Variants in SYNRG observed in about 807,000 individuals in gnomAD.
SYNRG encodes AP1 gamma subunit binding protein 1.
SYNRG carries 37 observed loss-of-function variants against 130.9 expected under a neutral mutation model. The ratio of observed to expected loss-of-function variants is 0.28; its 90% CI spans 0.22 to 0.37. The LOEUF is 0.37. Among genes scored for constraint, SYNRG ranks in the 10% least tolerant of loss-of-function variants. The pLI is 1.00. For synonymous variants in SYNRG, 539 were observed against 568.1 expected, an observed-to-expected ratio of 0.95 and a Z score of 0.73; for missense variants, 1,338 against 1,588.9, an observed-to-expected ratio of 0.84 and a Z score of 2.68.
intron 14 of SYNRG, among the ~76,000 whole-genome samples, chr17:37,544,926 G>A (rs2058134341): frequency 6.6e-6 from 1 of 152,078 alleles, no homozygotes. Context: ...AGGTTAGCAG[G>A]CTGGGCATGG....
At chr17:37,527,012 A>G (rs890137133) in intron 19 of SYNRG, among the ~76,000 whole-genome samples, 2 of 152,248 alleles carry the variant, frequency 1.3e-5, no homozygotes, top group South Asian at 2.1e-4. Flanking sequence ...GACTGGCAAG[A>G]TGACAAAAAT....
rs536468480 is a variant in SYNRG, at chr17:37,560,928, C to T, written c.1663+267G>A. Among the ~76,000 whole-genome samples, 11 of 152,272 alleles carry T rather than the reference C, an allele frequency of 7.2e-5. No individual in the cohort carries two copies. In the South Asian group the frequency reaches 2.3e-3, roughly 32 times the overall value. ...GATCCACCCTCCTTGGCCTTCCAAA[C>T]TGCTGGGATTACAGGCGTGAGCCAC... is the stretch of plus-strand genomic sequence containing the variant. On this transcript the variant is annotated intron_variant, in intron 13 of 21. Coordinates refer to ENST00000612223, the MANE Select transcript of SYNRG (RefSeq NM_007247.6).
chr17:37,546,948 T>A (rs2058329671), intron 14 of SYNRG, among the ~76,000 whole-genome samples: 1 of 152,214 alleles, frequency 6.6e-6, no homozygotes, highest in African/African-American at 2.4e-5. Context: ...ATCTTTGATC[T>A]ACCTATGAGA....
rs9912433 is a variant in SYNRG at position 37,582,836 on chromosome 17, T to C, written c.589+1812A>G. On this transcript the variant is annotated intron_variant, in intron 6 of 21. Transcript: ENST00000612223. ...TGATCATGTCACCGCACTAGGGCAA[T>C]AGAATGAGACCCTGTCTCAAAAAAA... Among the ~76,000 whole-genome samples, 1,116 of 152,152 alleles carry C rather than the reference T, an allele frequency of 7.3e-3. 11 individuals are homozygous for C. Among genetic ancestry groups the C allele is most frequent in the African/African-American group, 0.025 (1,041 of 41,500 alleles).
chr17:37,533,706 G>A (rs968665939), intron 19 of SYNRG, among the ~76,000 whole-genome samples: 19 of 148,770 alleles, frequency 1.3e-4, no homozygotes, highest in African/African-American at 2.5e-5. Context: ...TCCTGCCACA[G>A]CCTCCCAAGT....
intron 1 of SYNRG, among the ~76,000 whole-genome samples, chr17:37,608,855 T>C (rs890261948): frequency 1.3e-5 from 2 of 152,270 alleles, no homozygotes; most frequent in Non-Finnish European, 2.9e-5. Flanking sequence ...CCTCCAGCTT[T>C]GTGAACAGAT....
chr17:37,602,102 A>C (rs1369699463), intron 1 of SYNRG, among the ~76,000 whole-genome samples: 1 of 152,100 alleles, frequency 6.6e-6, no homozygotes, highest in Non-Finnish European at 1.5e-5. Context: ...TTGGGAGGCC[A>C]AGGTAGGTGG....
At chr17:37,526,893 A>G (rs1167464442) in intron 19 of SYNRG, among the ~76,000 whole-genome samples, 1 of 152,232 alleles carries the variant, frequency 6.6e-6, no homozygotes, top group Non-Finnish European at 1.5e-5. Flanking sequence ...TTCCCAGGAC[A>G]TGGGTAGCTT....
At chr17:37,599,158 G>A (rs149062402) in intron 2 of SYNRG, among the ~76,000 whole-genome samples, 6 of 152,276 alleles carry the variant, frequency 3.9e-5, no homozygotes, top group African/African-American at 9.6e-5. Context: ...ACCAATCAAC[G>A]CTGGCTTTTT....
At chr17:37,586,204 G>A in intron 4 of SYNRG, among the ~76,000 whole-genome samples, 1 of 152,246 alleles carries the variant, frequency 6.6e-6, no homozygotes, top group East Asian at 1.9e-4. Context: ...ATGTTGCTCA[G>A]GCTGGTCTCG....
At chr17:37,562,832 A>T (rs2059641640) in intron 11 of SYNRG, among the ~76,000 whole-genome samples, 1 of 152,274 alleles carries the variant, frequency 6.6e-6, no homozygotes, top group African/African-American at 2.4e-5. Context: ...AAAGGAAATT[A>T]ACATCTTAGG....
chr17:37,602,725 G>T (rs765414519), intron 1 of SYNRG, among the ~76,000 whole-genome samples: 1 of 151,942 alleles, frequency 6.6e-6, no homozygotes, highest in African/African-American at 2.4e-5. Flanking sequence ...GGATTAACAC[G>T]CGAAGGAGCA....
intron 11 of SYNRG, among the ~76,000 whole-genome samples, chr17:37,563,782 C>T (rs1194625908): frequency 6.6e-6 from 1 of 151,620 alleles, no homozygotes; most frequent in African/African-American, 2.4e-5. Context: ...GTGATCTGTC[C>T]GCCTTGGCCT....
chr17:37,562,648 C>A (rs1215949685), intron 11 of SYNRG, among the ~76,000 whole-genome samples: 1 of 152,198 alleles, frequency 6.6e-6, no homozygotes, highest in Non-Finnish European at 1.5e-5. Flanking sequence ...GGTACACAGT[C>A]CTTTAGGGCT....
chr17:37,585,722 A>G (rs1333363018), intron 4 of SYNRG, among the ~76,000 whole-genome samples: 1 of 152,240 alleles, frequency 6.6e-6, no homozygotes, highest in Non-Finnish European at 1.5e-5. Context: ...CTCGAAAAAC[A>G]GGCAGACAAA....
intron 14 of SYNRG, among the ~76,000 whole-genome samples, chr17:37,549,293 T>C (rs1290434030): frequency 6.6e-6 from 1 of 152,222 alleles, no homozygotes; most frequent in African/African-American, 2.4e-5. Context: ...TTGGGGTTTC[T>C]AACCTGAAAA....
chr17:37,543,933 A>G (rs1344580099), intron 14 of SYNRG, among the ~76,000 whole-genome samples: 2 of 152,264 alleles, frequency 1.3e-5, no homozygotes, highest in Non-Finnish European at 2.9e-5. Context: ...ACAACCACAT[A>G]TGTGATTTAC....
chr17:37,603,737 G>A (rs2063498072), intron 1 of SYNRG, among the ~76,000 whole-genome samples: 1 of 152,218 alleles, frequency 6.6e-6, no homozygotes, highest in Admixed American at 6.5e-5. Context: ...CTGTCACCCA[G>A]GCTTTGTGGT....
intron 19 of SYNRG, among the ~76,000 whole-genome samples, chr17:37,526,968 C>T (rs997190128): frequency 9.2e-5 from 14 of 152,288 alleles, no homozygotes; most frequent in South Asian, 6.2e-4. Flanking sequence ...CATGCAGAGA[C>T]ATAGTAAAGA....
Sources: gnomAD v4.1 joint callset for allele counts (sites outside exome capture counted in the v4.1 genomes callset) on GRCh38, gnomAD v4.1.1 for gene constraint, MANE v1.5 for transcripts, NCBI Gene and HGNC (gene_info 2026-07-23, HGNC 2026-07-21) for gene names.